The following CNTN4 variants were observed in gnomAD, a reference collection of about 807,000 sequenced individuals.
The protein encoded by CNTN4 is contactin 4, also known as contactin-4.
Under a neutral mutation model 122.5 loss-of-function variants are expected in CNTN4, and 77 were observed. The ratio of observed to expected loss-of-function variants is 0.63; its 90% CI spans 0.52 to 0.76. The LOEUF (loss-of-function observed/expected upper bound fraction) is 0.76. CNTN4 is among the 30% of genes least tolerant of loss of function. The pLI, the probability that CNTN4 is intolerant of heterozygous loss-of-function variation, is 0.00. For missense variants in CNTN4, 1,256 were observed against 1,259.1 expected (o/e 1.00, Z 0.04); for synonymous variants, 512 against 447.0 (o/e 1.15, Z -1.83).
At position 2,877,984 on chromosome 3, in the gene CNTN4, G is replaced by A. The variant is rs184477545; in HGVS notation, c.653-5161G>A. On this transcript the variant is annotated intron_variant, in intron 8 of 24. Coordinates refer to ENST00000418658, the MANE Select transcript of CNTN4 (RefSeq NM_175607.3). ...GAACAGTTCACAGGTGTTCCAAAAC[G>A]ATGTTCATAATATTGTTGAAGAAAA... 3.3e-5 allele frequency among the ~76,000 whole-genome samples: 5 copies of A among 152,246 alleles called. No homozygotes were observed. The East Asian group carries it at 7.7e-4, about 23-fold the overall frequency.
chr3:2,678,617 G>A (rs752349105), intron 4 of CNTN4, among the ~76,000 whole-genome samples: 10 of 152,112 alleles, frequency 6.6e-5, no homozygotes, highest in Non-Finnish European at 1.3e-4. Flanking sequence ...TTACCTTTCT[G>A]CTTTATTTCC....
intron 10 of CNTN4, among the ~76,000 whole-genome samples, chr3:2,892,784 C>T (rs1472949884): frequency 2.0e-5 from 3 of 152,152 alleles, no homozygotes. Context: ...GTAAACAAGG[C>T]TGTATTTCAC....
chr3:2,984,602 A>G (rs1052822441), intron 13 of CNTN4, among the ~76,000 whole-genome samples: 2 of 152,248 alleles, frequency 1.3e-5, no homozygotes, highest in Non-Finnish European at 2.9e-5. Context: ...AGTCAAGGCT[A>G]GAATCCAAGT....
intron 14 of CNTN4, among the ~76,000 whole-genome samples, chr3:2,995,885 C>G (rs1288992488): frequency 6.6e-6 from 1 of 152,264 alleles, no homozygotes; most frequent in South Asian, 2.1e-4. Context: ...GGCATTTAAC[C>G]TAGTGGGATT....
chr3:2,522,149 TTGTGTGTGTGTGTGTG>T (rs71621496), intron 3 of CNTN4, among the ~76,000 whole-genome samples: 2 of 63,418 alleles, frequency 3.2e-5, no homozygotes, highest in Non-Finnish European at 6.6e-5. Flanking sequence ...CCTAAGCAGT[TTGTGTGTGTGTGTGTG>T]TGTGTGTGTG....
Position 2,841,523 on chromosome 3 carries a change from T to A in CNTN4, c.454+21942T>A, listed in dbSNP as rs551279328. ...CAAGGGTTCCATTTGTAGCCATCAATAAAGAGATTAATTTATTATTCCCAA... is the reference window on the plus strand; with the variant it reads ...CAAGGGTTCCATTTGTAGCCATCAAAAAAGAGATTAATTTATTATTCCCAA... On this transcript the variant is annotated intron_variant, in intron 7 of 24. Transcript: ENST00000418658. The surrounding 1 kb of genome is among the most constrained non-coding windows in gnomAD (Gnocchi z 4.8). 6.6e-6 allele frequency among the ~76,000 whole-genome samples: 1 copy of A among 152,330 alleles called. No homozygotes were observed. Among genetic ancestry groups the A allele is most frequent in the African/African-American group, 2.4e-5 (1 of 41,572 alleles).
chr3:2,349,821 T>A (rs905481979), intron 3 of CNTN4, among the ~76,000 whole-genome samples: 2 of 152,182 alleles, frequency 1.3e-5, no homozygotes, highest in Non-Finnish European at 2.9e-5. Context: ...ACATTGAGAA[T>A]GTTGAAACAA....
At chr3:2,584,247 A>T (rs1203588827) in intron 4 of CNTN4, among the ~76,000 whole-genome samples, 1 of 152,208 alleles carries the variant, frequency 6.6e-6, no homozygotes, top group Non-Finnish European at 1.5e-5. Flanking sequence ...TAACTTGCAT[A>T]GTAGGAATAA....
At chr3:2,297,944 C>T (rs2042374618) in intron 2 of CNTN4, among the ~76,000 whole-genome samples, 1 of 152,138 alleles carries the variant, frequency 6.6e-6, no homozygotes, top group Non-Finnish European at 1.5e-5. Context: ...GTTGCCCAGG[C>T]TAGTGTCGAA....
At chr3:2,574,867 A>G (rs780103584) in intron 4 of CNTN4, among the ~76,000 whole-genome samples, 42 of 152,014 alleles carry the variant, frequency 2.8e-4, no homozygotes, top group Middle Eastern at 3.4e-3. Context: ...ACAAACTCCT[A>G]ATTCTCTAGG....
At position 2,942,988 on chromosome 3, in the gene CNTN4, A is replaced by G. The variant is rs182363488; in HGVS notation, c.1358+17209A>G. On this transcript the variant is annotated intron_variant, in intron 13 of 24. Coordinates refer to ENST00000418658, the MANE Select transcript of CNTN4 (RefSeq NM_175607.3). ...TTTTCACAACCATGATTGTATAAGG[A>G]CGGATTAGAAGGAAATGCAAGATTA... is the stretch of plus-strand genomic sequence containing the variant. 9.2e-4 allele frequency among the ~76,000 whole-genome samples: 140 copies of G among 152,270 alleles called. 1 individual carries two copies. Among genetic ancestry groups the G allele is most frequent in the African/African-American group, 2.8e-3 (117 of 41,554 alleles).
chr3:2,202,603 T>C (rs2038150004), intron 2 of CNTN4, among the ~76,000 whole-genome samples: 2 of 152,178 alleles, frequency 1.3e-5, no homozygotes, highest in Non-Finnish European at 2.9e-5. Context: ...TGATAATTCA[T>C]TCCCTTCACT....
rs966853679 is a variant in CNTN4, at chr3:2,431,776, A to T, written c.-89+92543A>T. On this transcript the variant is annotated intron_variant, in intron 3 of 24. Transcript: ENST00000418658. The stretch of plus-strand genomic sequence containing the variant: ...AAAGTACAGGAAATTAGAAAATCTT[A>T]CAGTTTTCTGGTCAGTGAAGTTTTC... Among the ~76,000 whole-genome samples, 3 of 152,302 alleles carry T rather than the reference A, an allele frequency of 2.0e-5. No homozygotes were observed. The South Asian group carries it at 6.2e-4, about 32-fold the overall frequency.
At chr3:2,162,698 A>G (rs2036018048) in intron 2 of CNTN4, among the ~76,000 whole-genome samples, 1 of 152,202 alleles carries the variant, frequency 6.6e-6, no homozygotes, top group African/African-American at 2.4e-5. Flanking sequence ...CATAACCACG[A>G]ATGTTTGGAG....
At chr3:2,653,318 C>G (rs1382699313) in intron 4 of CNTN4, among the ~76,000 whole-genome samples, 2 of 152,076 alleles carry the variant, frequency 1.3e-5, no homozygotes, top group African/African-American at 2.4e-5. Flanking sequence ...CTACTAGTTT[C>G]TTAAGTAATT....
At chr3:2,815,169 T>C (rs375943990) in intron 6 of CNTN4, among the ~76,000 whole-genome samples, 2 of 152,202 alleles carry the variant, frequency 1.3e-5, no homozygotes, top group East Asian at 1.9e-4. Context: ...TTCTGGACAT[T>C]GGCTTAGGCA....
chr3:2,653,185 C>T (rs1478174124), intron 4 of CNTN4, among the ~76,000 whole-genome samples: 2 of 151,878 alleles, frequency 1.3e-5, no homozygotes, highest in East Asian at 1.9e-4. Context: ...TGTAAATCTC[C>T]ACAATTTTTA....
At chr3:2,608,216 T>C (rs2081339482) in intron 4 of CNTN4, among the ~76,000 whole-genome samples, 1 of 152,206 alleles carries the variant, frequency 6.6e-6, no homozygotes, top group African/African-American at 2.4e-5. Context: ...GTGCTCCAAG[T>C]TGGAGAAATC....
chr3:2,885,860 G>T (rs1238822942), intron 9 of CNTN4, among the ~76,000 whole-genome samples: 9 of 152,070 alleles, frequency 5.9e-5, no homozygotes, highest in Admixed American at 5.9e-4. Context: ...GTATTTTGTT[G>T]GGGACGTTGG....
Sources: allele counts gnomAD v4.1 joint callset (sites outside exome capture counted in the v4.1 genomes callset), GRCh38; gene constraint gnomAD v4.1.1; non-coding constraint Gnocchi (gnomAD v3.1); transcripts MANE v1.5; gene names NCBI Gene and HGNC (gene_info 2026-07-23, HGNC 2026-07-21).